PSG2: variants seen among roughly 807,000 people sequenced by gnomAD.
The protein encoded by PSG2 is pregnancy specific beta-1-glycoprotein 2, also known as pregnancy-specific beta-1-glycoprotein 2.
Under a neutral mutation model 36.2 loss-of-function variants are expected in PSG2, and 49 were observed. The ratio of observed to expected loss-of-function variants is 1.35; its 90% confidence interval spans 1.08 to 1.72. PSG2 has a LOEUF of 1.72. PSG2 is among the 40% of genes most tolerant of loss of function. The pLI is 0.00. For missense variants in PSG2, 605 were observed against 407.2 expected (o/e 1.49, Z -4.18); for synonymous variants, 261 against 155.6 (o/e 1.68, Z -5.04).
chr19:43,082,566 C>G lies in PSG2; in HGVS notation c.4G>C (p.Gly2Arg). 6.2e-7 allele frequency: 1 copy of G among 1,611,944 alleles called. No individual in the cohort carries two copies. The highest frequency in any genetic ancestry group is 8.5e-7 in the Non-Finnish European group (1 of 1,179,014). Residue 2 changes from glycine (G) to arginine (R), a missense_variant, in exon 1 of 6, where the codon GGG (glycine) becomes CGG (arginine). By Grantham distance (125) the Gly-to-Arg change is moderately radical. Coordinates refer to ENST00000406487, the MANE Select transcript of PSG2 (RefSeq NM_031246.4). MGPLSAPPCTEH... is the reference protein window; with the variant it reads MRPLSAPPCTEH... ...GTGCAGGGAGGGGCTGAGAGGGGCC[C>G]CATGGTCTCTGCTGCCTGTGTGTTC... is the stretch of plus-strand genomic sequence containing the variant.
At chr19:43,077,233 A>AT (rs1187902384) in intron 2 of PSG2, among the ~76,000 whole-genome samples, 3 of 151,676 alleles carry the variant, frequency 2.0e-5, no homozygotes, top group Non-Finnish European at 4.4e-5. Flanking sequence ...ATGCTCAAAG[A>AT]AAGATGCCAA....
Position 43,075,410 on chromosome 19 carries a change from T to A in PSG2, c.653A>T (p.Glu218Val). ...TKYTAGPYEC[E>V]IRNSGSASRS... The stretch of plus-strand genomic sequence containing the variant: ...GCTGGCACTCCCTGAGTTCCGTATT[T>A]CACATTCATAGGGTCCTGCAGTATA... Residue 218 changes from glutamate to valine, a missense_variant, in exon 3 of 6, where the codon GAA becomes GTA. Coordinates refer to ENST00000406487, the MANE Select transcript of PSG2 (RefSeq NM_031246.4). 2 of 1,613,172 alleles carry A rather than the reference T, an allele frequency of 1.2e-6. No individual in the cohort carries two copies. Among genetic ancestry groups the A allele is most frequent in the South Asian group, 1.1e-5 (1 of 91,050 alleles).
At chr19:43,064,656 A>G (rs147501613) in intron 5 of PSG2, 55 bp from the exon 6 acceptor site, 1 of 565,154 alleles carries the variant, frequency 1.8e-6, no homozygotes, top group Admixed American at 2.7e-5. Flanking sequence ...TTGAGGAAGA[A>G]TCAAAGCAAC....
At chr19:43,077,072 C>CA (rs951639323) in intron 2 of PSG2, among the ~76,000 whole-genome samples, 7 of 150,994 alleles carry the variant, frequency 4.6e-5, no homozygotes, top group South Asian at 2.1e-4. Flanking sequence ...ACTCTAGTAA[C>CA]AAAAAAAATT....
At chr19:43,074,862 A>C (rs1015920364) in intron 3 of PSG2, among the ~76,000 whole-genome samples, 2 of 151,682 alleles carry the variant, frequency 1.3e-5, no homozygotes, top group Non-Finnish European at 1.5e-5. Flanking sequence ...ATGCTCTGCC[A>C]GTGGGTGAGT....
chr19:43,082,292 G>T, intron 1 of PSG2: 1 of 683,374 alleles, frequency 1.5e-6, no homozygotes, highest in Non-Finnish European at 2.3e-6. Context: ...AGGAACACAC[G>T]ACAATACCTG....
chr19:43,077,203 A>C (rs2122912542), intron 2 of PSG2, among the ~76,000 whole-genome samples: 1 of 151,820 alleles, frequency 6.6e-6, no homozygotes, highest in South Asian at 2.1e-4. Flanking sequence ...GTGTGCCGTG[A>C]ATTCCAGCAG....
chr19:43,076,513 T>C (rs1967898287), intron 2 of PSG2, among the ~76,000 whole-genome samples: 1 of 151,716 alleles, frequency 6.6e-6, no homozygotes, highest in South Asian at 2.1e-4. Context: ...ATGGACCATA[T>C]GTGTTTGGTG....
intron 3 of PSG2, among the ~76,000 whole-genome samples, chr19:43,073,802 G>T (rs1967852812): frequency 6.6e-6 from 1 of 151,554 alleles, no homozygotes; most frequent in Non-Finnish European, 1.5e-5. Flanking sequence ...TTATGCATAA[G>T]ACTTAAGACA....
chr19:43,068,224 C>A (rs10402057), intron 4 of PSG2, among the ~76,000 whole-genome samples: 7,358 of 149,502 alleles, frequency 0.049, 798 homozygotes, highest in African/African-American at 0.18. Flanking sequence ...TTTCTTGAGA[C>A]CAGGTGTTTG....
In PSG2 at chr19:43,066,727, G is replaced by A. The variant is rs182103451; in HGVS notation, c.965-127C>T. On this transcript the variant is annotated intron_variant, in intron 4 of 5. Coordinates refer to ENST00000406487, the MANE Select transcript of PSG2 (RefSeq NM_031246.4). ...CTTCAAGGACCACATTATTTCTCTT[G>A]GAATATTGATGGGAGATGATTATAT... The A allele has an allele frequency of 3.7e-6, 5 of 1,358,154 alleles. No homozygotes were observed. The East Asian group carries it at 9.6e-5, about 26-fold the overall frequency. The allele number at this position is 1,358,154 out of a possible 1,614,324, so 84.1% of individuals were successfully genotyped here.
At position 43,070,267 on chromosome 19, in the gene PSG2, T is replaced by C. The variant is rs754025574; in HGVS notation, c.964+1433A>G. 4.0e-5 allele frequency among the ~76,000 whole-genome samples: 6 copies of C among 151,756 alleles called. 1 individual carries two copies. Among genetic ancestry groups the C allele is most frequent in the Admixed American group, 6.6e-5 (1 of 15,230 alleles). On this transcript the variant is annotated intron_variant, in intron 4 of 5. Transcript: ENST00000406487. The stretch of plus-strand genomic sequence containing the variant: ...TTGCTGATGGGAATGGGAAATGTTA[T>C]AGCCACTGTAAAAATTGGTGTGCTG...
Position 43,075,522 on chromosome 19 carries a change from A to T in PSG2, c.541T>A (p.Trp181Arg). Residue 181 changes from tryptophan to arginine, a missense_variant, in exon 3 of 6, where the codon TGG becomes AGG. Physicochemically the swap from Trp to Arg is moderately radical, Grantham distance 101. Coordinates refer to ENST00000406487, the MANE Select transcript of PSG2 (RefSeq NM_031246.4). ...PETPDTSYQW[W>R]MNGQSLPMTH... ...ATAGGGAGGCTCTGACCATTCATCC[A>T]CCACTGGTAGCTTGTGTCCGGAGTC... 2.5e-6 allele frequency: 4 copies of T among 1,613,246 alleles called. No individual in the cohort carries two copies. The highest frequency in any genetic ancestry group is 3.4e-6 in the Non-Finnish European group (4 of 1,179,756).
chr19:43,072,885 T>C lies in PSG2; in HGVS notation c.710-931A>G, dbSNP rs535228209. Among the ~76,000 whole-genome samples the C allele has an allele frequency of 5.3e-5, 8 of 151,828 alleles. 1 individual carries two copies. Among genetic ancestry groups the C allele is most frequent in the African/African-American group, 1.2e-4 (5 of 41,200 alleles). Reference sequence around the variant, plus strand: ...AGCAGTGTTGGGTCATGGACAGACATGTCAGTGGGAGTCACAGCCCCAGTA... The same window carrying C: ...AGCAGTGTTGGGTCATGGACAGACACGTCAGTGGGAGTCACAGCCCCAGTA... On this transcript the variant is annotated intron_variant, in intron 3 of 5. Transcript: ENST00000406487.
At chr19:43,078,902 G>C (rs1469419004) in intron 2 of PSG2, among the ~76,000 whole-genome samples, 1 of 151,514 alleles carries the variant, frequency 6.6e-6, no homozygotes, top group African/African-American at 2.4e-5. Context: ...CCTCACAAAG[G>C]GGAAGAGCCC....
chr19:43,071,981 G>C (rs1486672686), intron 3 of PSG2, 27 bp from the exon 4 acceptor site: 5 of 1,607,548 alleles, frequency 3.1e-6, no homozygotes, highest in Non-Finnish European at 4.3e-6. Context: ...AAAGCCACAG[G>C]TGATGCCATC....
intron 4 of PSG2, among the ~76,000 whole-genome samples, chr19:43,068,288 A>T (rs114153054): frequency 0.1 from 15,145 of 151,054 alleles, 1,015 homozygotes; most frequent in Admixed American, 0.15. Context: ...ATAAAAAACC[A>T]ATTAGCTGGG....
rs1246374106 is a variant in PSG2 at position 43,064,329 on chromosome 19, T to A, written c.*313A>T. ...GTTTCAATTTTTGTTTACAAAAGTA[T>A]ACTTTACCAATTGCTCAAGAAAAAA... On this transcript the variant is annotated 3_prime_UTR_variant, in exon 6 of 6. Coordinates refer to ENST00000406487, the MANE Select transcript of PSG2 (RefSeq NM_031246.4). The A allele has an allele frequency of 3.7e-6, 1 of 272,770 alleles. No individual in the cohort carries two copies. The highest frequency in any genetic ancestry group is 2.3e-5 in the African/African-American group (1 of 44,334). The allele number at this position is 272,770 out of a possible 1,614,324, so 16.9% of individuals were successfully genotyped here.
chr19:43,066,066 G>A (rs1029886581), intron 5 of PSG2, among the ~76,000 whole-genome samples: 3 of 151,668 alleles, frequency 2.0e-5, no homozygotes, highest in Non-Finnish European at 4.4e-5. Context: ...ATAGGCTAGA[G>A]TAGACCCCTG....
Sources: gnomAD v4.1 joint callset for allele counts (sites outside exome capture counted in the v4.1 genomes callset) on GRCh38, gnomAD v4.1.1 for gene constraint, MANE v1.5 for transcripts, NCBI Gene and HGNC (gene_info 2026-07-23, HGNC 2026-07-21) for gene names.